OR4P4: variants seen among roughly 807,000 people sequenced by gnomAD.
The protein encoded by OR4P4 is olfactory receptor family 4 subfamily P member 4, also known as olfactory receptor 4P4.
A neutral mutation model predicts 2.1 loss-of-function variants in OR4P4; 1 was observed. The ratio of observed to expected loss-of-function variants is 0.47; its 90% CI spans 0.17 to 2.21. The LOEUF (loss-of-function observed/expected upper bound fraction) is 2.21, where lower values mean the gene tolerates loss of function less well. OR4P4 is among the 30% of genes most tolerant of loss of function. The pLI, the probability that OR4P4 is intolerant of heterozygous loss-of-function variation, is 0.27. For missense variants in OR4P4, 375 were observed against 376.5 expected (o/e 1.00, Z 0.03); for synonymous variants, 129 against 133.2 (o/e 0.97, Z 0.22).
At chr11:55,636,421 A>C (rs1258256796) in intron 1 of OR4P4, among the ~76,000 whole-genome samples, 1 of 138,210 alleles carries the variant, frequency 7.2e-6, no homozygotes, top group Non-Finnish European at 1.6e-5. Context: ...TTTCCATTTA[A>C]GTATCACTGT....
Position 55,636,920 on chromosome 11 carries a change from G to A in OR4P4, c.-30-1408G>A, listed in dbSNP as rs564043563. Among the ~76,000 whole-genome samples the A allele has an allele frequency of 5.8e-5, 8 of 137,648 alleles. 1 individual carries two copies. Among genetic ancestry groups the A allele is most frequent in the African/African-American group, 2.0e-4 (8 of 39,910 alleles). 90.3% of individuals were successfully genotyped at this position (137,648 alleles called of 152,430 possible). Reference sequence around the variant, plus strand: ...TGCAAGATTACATTTGAAGTTAGTGGCTGAATTAAGACAAGTAACGGGGAT... The same window carrying A: ...TGCAAGATTACATTTGAAGTTAGTGACTGAATTAAGACAAGTAACGGGGAT... On this transcript the variant is annotated intron_variant, in intron 1 of 1. Transcript: ENST00000641760.
chr11:55,637,242 T>C (rs183893391), intron 1 of OR4P4, among the ~76,000 whole-genome samples: 1 of 138,292 alleles, frequency 7.2e-6, no homozygotes, highest in East Asian at 2.3e-4. Context: ...TATGTAAGAG[T>C]CTTAATATGC....
intron 1 of OR4P4, among the ~76,000 whole-genome samples, chr11:55,635,677 G>A (rs1858378719): frequency 7.3e-6 from 1 of 137,858 alleles, no homozygotes; most frequent in Non-Finnish European, 1.6e-5. Flanking sequence ...GAAAAAGGAA[G>A]AGATTCTGAA....
chr11:55,638,458 T>C (rs1246034111), exon 2 of OR4P4: 1 of 1,467,096 alleles, frequency 6.8e-7, no homozygotes, highest in African/African-American at 1.4e-5. Context: ...TTTTGCTACA[T>C]TGCTATTTGG....
rs1398027574 is a variant in OR4P4, at chr11:55,639,327, T to C, written c.*31T>C. Reference sequence around the variant, plus strand: ...TTCTGCTTTTCATGCCGTGGTTCCCTGATGAATGAGAAAAATTCACTCTCA... The same window carrying C: ...TTCTGCTTTTCATGCCGTGGTTCCCCGATGAATGAGAAAAATTCACTCTCA... On this transcript the variant is annotated 3_prime_UTR_variant, in exon 2 of 2. Transcript: ENST00000641760. 2.5e-6 allele frequency: 3 copies of C among 1,177,268 alleles called. 1 individual carries two copies. Among genetic ancestry groups the C allele is most frequent in the Non-Finnish European group, 3.5e-6 (3 of 850,242 alleles). 72.9% of individuals were successfully genotyped at this position (1,177,268 alleles called of 1,614,324 possible). A position where few individuals can be genotyped will look rare whatever the true frequency, so the allele number is the denominator to read the frequency against.
In OR4P4 at chr11:55,635,968, T is replaced by C. The variant is rs369260257; in HGVS notation, c.-31+752T>C. 2.8e-4 allele frequency among the ~76,000 whole-genome samples: 39 copies of C among 137,828 alleles called. 4 individuals carry two copies. The highest frequency in any genetic ancestry group is 8.8e-4 in the African/African-American group (35 of 39,980). 90.4% of individuals were successfully genotyped at this position (137,828 alleles called of 152,430 possible). ...TCAACAGATAATAGCACCTACTTTC[T>C]TGGAGAACTGCATGTGAGAAAAGGG... On this transcript the variant is annotated intron_variant, in intron 1 of 1. Coordinates refer to ENST00000641760, the Ensembl canonical transcript of OR4P4.
chr11:55,637,624 A>G (rs76972239), intron 1 of OR4P4, among the ~76,000 whole-genome samples: 3,036 of 138,048 alleles, frequency 0.022, 385 homozygotes, highest in African/African-American at 0.072. Flanking sequence ...AAGGGGGTTT[A>G]AGAAGTCAAG....
At chr11:55,637,479 A>T (rs1858401750) in intron 1 of OR4P4, among the ~76,000 whole-genome samples, 1 of 137,702 alleles carries the variant, frequency 7.3e-6, no homozygotes, top group Admixed American at 8.0e-5. Context: ...AGTGCCTTTA[A>T]TCTAATTCTA....
At chr11:55,640,065 C>T (rs1482389310) in exon 2 of OR4P4, 1 of 134,168 alleles carries the variant, frequency 7.5e-6, no homozygotes, top group African/African-American at 2.6e-5. Flanking sequence ...ACTCGGGAAG[C>T]GGAGGTTGCA....
chr11:55,635,957 C>T (rs1409031425), intron 1 of OR4P4, among the ~76,000 whole-genome samples: 1 of 137,404 alleles, frequency 7.3e-6, no homozygotes, highest in Non-Finnish European at 1.6e-5. Context: ...CAGATAATAG[C>T]ACCTACTTTC....
rs774414009 is a variant in OR4P4 at position 55,638,868 on chromosome 11, G to T, written c.511G>T (p.Glu171Ter). Reference sequence around the variant, plus strand: ...CTTTGTACCATTTTGTGGCCCAAATGAGATAGATCACTACTTCTGTGATGT... The same window carrying T: ...CTTTGTACCATTTTGTGGCCCAAATTAGATAGATCACTACTTCTGTGATGT... Residue 171 changes from glutamate (E) to a stop codon, truncating the protein, a stop_gained, in exon 2 of 2, where the codon GAG (glutamate) becomes TAG (stop). Coordinates refer to ENST00000641760, the Ensembl canonical transcript of OR4P4. LOFTEE classifies it low-confidence loss of function (END_TRUNC). The T allele has an allele frequency of 4.0e-6, 6 of 1,493,718 alleles. 2 individuals are homozygous for T. The highest frequency in any genetic ancestry group is 5.5e-6 in the Non-Finnish European group (6 of 1,098,500). 92.5% of individuals were successfully genotyped at this position (1,493,718 alleles called of 1,614,324 possible). A position where few individuals can be genotyped will look rare whatever the true frequency, so the allele number is the denominator to read the frequency against.
chr11:55,638,483 C>T, exon 2 of OR4P4: 1 of 1,476,910 alleles, frequency 6.8e-7, no homozygotes, highest in Non-Finnish European at 9.2e-7. Flanking sequence ...GAAACTTACT[C>T]ATAATGATTT....
chr11:55,639,255 T>G, exon 2 of OR4P4: 1 of 1,479,116 alleles, frequency 6.8e-7, no homozygotes, highest in Non-Finnish European at 9.2e-7. Context: ...GAGGAAAGTG[T>G]GGTGTTGTCA....
chr11:55,635,358 A>G (rs1428544608), intron 1 of OR4P4, 142 bp downstream of exon 1: 1 of 137,914 alleles, frequency 7.3e-6, no homozygotes, highest in Non-Finnish European at 1.6e-5. Context: ...ACCTTCAGAA[A>G]TCACTTGGTT....
At position 55,638,821 on chromosome 11, in the gene OR4P4, CCAGT is replaced by C. The variant is rs1858422983; in HGVS notation, c.469_472del (p.Gln157PhefsTer15). 4.0e-6 allele frequency: 6 copies of C among 1,490,804 alleles called. 1 individual carries two copies. The highest frequency in any genetic ancestry group is 3.6e-6 in the Non-Finnish European group (4 of 1,095,984). 92.3% of individuals were successfully genotyped at this position (1,490,804 alleles called of 1,614,324 possible). ...TGTACTGGGGGATTTATACATTCTG[CCAGT>C]CAGTTTCTTCTCACCATCTTTGTAC... On this transcript the variant is annotated frameshift_variant, in exon 2 of 2. Coordinates refer to ENST00000641760, the Ensembl canonical transcript of OR4P4. LOFTEE classifies it low-confidence loss of function (END_TRUNC).
At chr11:55,638,189 C>A in intron 1 of OR4P4, 139 bp from the exon 2 acceptor site, 1 of 432,590 alleles carries the variant, frequency 2.3e-6, no homozygotes, top group Non-Finnish European at 4.1e-6. Flanking sequence ...TATTAGAAAG[C>A]CATTTTAATT....
At chr11:55,638,999 G>C in exon 2 of OR4P4, 2 of 1,490,320 alleles carry the variant, frequency 1.3e-6, no homozygotes, top group Non-Finnish European at 1.8e-6. Flanking sequence ...TCTTGTTGTT[G>C]TCTTATGTTT....
At chr11:55,637,383 T>C (rs2120180795) in intron 1 of OR4P4, among the ~76,000 whole-genome samples, 1 of 138,552 alleles carries the variant, frequency 7.2e-6, no homozygotes, top group Admixed American at 7.9e-5. Flanking sequence ...ATAATTTTCT[T>C]CTTCAAATAA....
chr11:55,639,576 A>T (rs1858434942), exon 2 of OR4P4: 2 of 283,604 alleles, frequency 7.1e-6, no homozygotes, highest in African/African-American at 4.4e-5. Flanking sequence ...TGTTGAAAAA[A>T]TAAAACAGAT....
Sources: allele counts gnomAD v4.1 joint callset (sites outside exome capture counted in the v4.1 genomes callset), GRCh38; gene constraint gnomAD v4.1.1; transcripts MANE v1.5; gene names NCBI Gene and HGNC (gene_info 2026-07-23, HGNC 2026-07-21).